The following FHIT variants were observed in gnomAD, a reference collection of about 807,000 sequenced individuals.
FHIT encodes fragile histidine triad diadenosine triphosphatase, also known as bis(5'-adenosyl)-triphosphatase.
Under a neutral mutation model 17.9 loss-of-function variants are expected in FHIT, and 19 were observed. The ratio of observed to expected loss-of-function variants is 1.06; its 90% CI spans 0.74 to 1.56. The LOEUF (loss-of-function observed/expected upper bound fraction) is 1.56. FHIT is among the 40% of genes most tolerant of loss of function. The probability of loss-of-function intolerance (pLI) is 0.00; values close to 1 mark genes in which losing one functional copy is unlikely to be tolerated. For missense variants in FHIT, 248 were observed against 189.2 expected (o/e 1.31, Z -1.82); for synonymous variants, 81 against 69.7 (o/e 1.16, Z -0.81).
chr3:61,123,360 G>C (rs2036515062), intron 2 of FHIT, among the ~76,000 whole-genome samples: 1 of 152,202 alleles, frequency 6.6e-6, no homozygotes, highest in East Asian at 1.9e-4. Context: ...AGTGGCTGGG[G>C]CGCTAGGGTA....
At chr3:60,298,633 A>T (rs1708314950) in intron 5 of FHIT, among the ~76,000 whole-genome samples, 1 of 152,166 alleles carries the variant, frequency 6.6e-6, no homozygotes, top group Non-Finnish European at 1.5e-5. Flanking sequence ...ATTTGAAAAC[A>T]TTCTCTTCCT....
chr3:61,213,189 C>T (rs1437063642), intron 1 of FHIT, among the ~76,000 whole-genome samples: 1 of 152,156 alleles, frequency 6.6e-6, no homozygotes, highest in Admixed American at 6.5e-5. Flanking sequence ...CTAAATGTTC[C>T]AATTAAAAGA....
chr3:59,850,436 A>G (rs910050809), intron 8 of FHIT, among the ~76,000 whole-genome samples: 4 of 152,160 alleles, frequency 2.6e-5, no homozygotes, highest in Non-Finnish European at 2.9e-5. Flanking sequence ...TTAAAATGAA[A>G]CTCAGACTCA....
chr3:61,211,051 G>T (rs62268422), intron 1 of FHIT, among the ~76,000 whole-genome samples: 2 of 151,686 alleles, frequency 1.3e-5, no homozygotes, highest in Non-Finnish European at 2.9e-5. Flanking sequence ...AAACAGCTCC[G>T]GTCTACAGCT....
chr3:59,778,450 T>A (rs1040371608), intron 8 of FHIT, among the ~76,000 whole-genome samples: 17 of 151,214 alleles, frequency 1.1e-4, no homozygotes, highest in African/African-American at 3.9e-4. Flanking sequence ...TAGTTTAAAC[T>A]TTTTTCCCCA....
At chr3:60,562,671 C>G (rs964572765) in intron 4 of FHIT, among the ~76,000 whole-genome samples, 1 of 152,178 alleles carries the variant, frequency 6.6e-6, no homozygotes, top group Non-Finnish European at 1.5e-5. Context: ...GTTAGGAATG[C>G]AAATTCTCAG....
At chr3:60,778,497 T>G (rs889386061) in intron 4 of FHIT, among the ~76,000 whole-genome samples, 2 of 152,236 alleles carry the variant, frequency 1.3e-5, no homozygotes, top group Non-Finnish European at 2.9e-5. Flanking sequence ...CTCAGGAAGC[T>G]GAAGCAACCT....
chr3:61,086,204 T>C (rs2035302371), intron 2 of FHIT, among the ~76,000 whole-genome samples: 1 of 152,202 alleles, frequency 6.6e-6, no homozygotes, highest in Non-Finnish European at 1.5e-5. Flanking sequence ...TCTCAATGTT[T>C]CACTTAAGTA....
intron 2 of FHIT, among the ~76,000 whole-genome samples, chr3:61,104,413 G>A (rs1468539061): frequency 6.6e-6 from 1 of 152,142 alleles, no homozygotes; most frequent in Non-Finnish European, 1.5e-5. Context: ...CTTCTGGCTT[G>A]TAGGGTTTCT....
intron 8 of FHIT, among the ~76,000 whole-genome samples, chr3:59,840,501 G>A (rs1303882500): frequency 1.3e-5 from 2 of 151,958 alleles, no homozygotes; most frequent in Non-Finnish European, 2.9e-5. Context: ...CATTGTAAAG[G>A]CACAGCTGAC....
rs1410126788 is a variant in FHIT at position 60,572,372 on chromosome 3, C to A, written c.-17-35393G>T. 3.3e-5 allele frequency among the ~76,000 whole-genome samples: 5 copies of A among 152,198 alleles called. No homozygotes were observed. The East Asian group carries it at 9.7e-4, about 29-fold the overall frequency. On this transcript the variant is annotated intron_variant, in intron 4 of 9. Coordinates refer to ENST00000492590, the MANE Select transcript of FHIT (RefSeq NM_002012.4). The stretch of plus-strand genomic sequence containing the variant: ...AAGCTGAGCATGTGTAGGTTAGATT[C>A]ACTCTGTTTTATAATATTTATTGTG...
intron 7 of FHIT, among the ~76,000 whole-genome samples, chr3:59,960,281 G>C (rs1466826153): frequency 6.6e-6 from 1 of 152,198 alleles, no homozygotes; most frequent in Non-Finnish European, 1.5e-5. Flanking sequence ...TTAGGTGATG[G>C]TGGTAGAGAT....
chr3:59,803,329 G>A (rs1194835625), intron 8 of FHIT, among the ~76,000 whole-genome samples: 6 of 152,204 alleles, frequency 3.9e-5, no homozygotes, highest in Admixed American at 2.6e-4. Context: ...CCTTACAGGC[G>A]AGCACGGGGC....
intron 4 of FHIT, among the ~76,000 whole-genome samples, chr3:60,609,059 T>G (rs1357870405): frequency 6.6e-6 from 1 of 151,938 alleles, no homozygotes; most frequent in Non-Finnish European, 1.5e-5. Context: ...TCCTGGAGAC[T>G]TCTGGTAGAT....
intron 5 of FHIT, among the ~76,000 whole-genome samples, chr3:60,326,761 A>C (rs1709714839): frequency 6.6e-6 from 1 of 152,226 alleles, no homozygotes; most frequent in African/African-American, 2.4e-5. Flanking sequence ...ACTGCTGACT[A>C]AAGGATGAAG....
chr3:61,103,954 G>A (rs1318993561), intron 2 of FHIT, among the ~76,000 whole-genome samples: 2 of 146,864 alleles, frequency 1.4e-5, no homozygotes, highest in Non-Finnish European at 3.0e-5. Context: ...TTAAGCCTAT[G>A]TGTGTCTTTG....
chr3:60,011,549 G>T, intron 6 of FHIT, 149 bp from the exon 7 acceptor site: 1 of 682,818 alleles, frequency 1.5e-6, no homozygotes, highest in Non-Finnish European at 2.6e-6. Context: ...TCAAATGTGC[G>T]GGATTAGACA....
chr3:60,659,986 G>A (rs1285971681), intron 4 of FHIT, among the ~76,000 whole-genome samples: 7 of 152,148 alleles, frequency 4.6e-5, no homozygotes, highest in African/African-American at 1.7e-4. Context: ...ATAAGCCTGA[G>A]ATGTAAAGTT....
chr3:60,806,089 T>C (rs961334436), intron 4 of FHIT, among the ~76,000 whole-genome samples: 4 of 152,212 alleles, frequency 2.6e-5, no homozygotes, highest in Admixed American at 6.5e-5. Flanking sequence ...CAGATCTTCA[T>C]TATGTTAGCA....
Sources: allele counts gnomAD v4.1 joint callset (sites outside exome capture counted in the v4.1 genomes callset), GRCh38; gene constraint gnomAD v4.1.1; transcripts MANE v1.5; gene names NCBI Gene and HGNC (gene_info 2026-07-23, HGNC 2026-07-21).